SDCCAG8: variants seen among roughly 807,000 people sequenced by gnomAD.
SDCCAG8 encodes serologically defined colon cancer antigen 8.
SDCCAG8 carries 74 observed loss-of-function variants against 101.8 expected under a neutral mutation model. The ratio of observed to expected loss-of-function variants is 0.73; its 90% CI spans 0.60 to 0.88. SDCCAG8 has a LOEUF of 0.88. Ranked by LOEUF, SDCCAG8 falls within the 40% of genes least tolerant of loss-of-function variation. The pLI, the probability that SDCCAG8 is intolerant of heterozygous loss-of-function variation, is 0.00. For synonymous variants in SDCCAG8, 281 were observed against 292.9 expected (o/e 0.96, Z 0.41); for missense variants, 787 against 822.6 (o/e 0.96, Z 0.53).
chr1:243,448,075 A>G (rs1311505525), intron 16 of SDCCAG8, among the ~76,000 whole-genome samples: 2 of 152,088 alleles, frequency 1.3e-5, no homozygotes, highest in Admixed American at 6.5e-5. Flanking sequence ...TTCCTAACTC[A>G]TGGGTTGGGA....
chr1:243,357,776 G>A (rs929556882), intron 12 of SDCCAG8, among the ~76,000 whole-genome samples: 1 of 152,194 alleles, frequency 6.6e-6, no homozygotes, highest in Non-Finnish European at 1.5e-5. Context: ...GCGGGAGAGG[G>A]TCCAGAAAGA....
intron 8 of SDCCAG8, among the ~76,000 whole-genome samples, chr1:243,316,048 G>A (rs1276763035): frequency 1.3e-5 from 2 of 152,134 alleles, no homozygotes; most frequent in Admixed American, 1.3e-4. Flanking sequence ...GAGCATTTTG[G>A]CATTTGGTTC....
Position 243,428,211 on chromosome 1 carries a change from C to T in SDCCAG8, c.1985+1653C>T, listed in dbSNP as rs115594980. ...CTCCATTTCCAGATGGAGAACTAAGCCTAAGAAAGACAAACGTGCCGAATG... is the reference window on the plus strand; with the variant it reads ...CTCCATTTCCAGATGGAGAACTAAGTCTAAGAAAGACAAACGTGCCGAATG... On this transcript the variant is annotated intron_variant, in intron 16 of 17. Coordinates refer to ENST00000366541, the MANE Select transcript of SDCCAG8 (RefSeq NM_006642.5). Among the ~76,000 whole-genome samples the T allele has an allele frequency of 7.0e-3, 1,063 of 152,238 alleles. 12 individuals carry two copies. The highest frequency in any genetic ancestry group is 0.024 in the African/African-American group (976 of 41,532).
At chr1:243,373,527 G>A (rs906507569) in intron 12 of SDCCAG8, among the ~76,000 whole-genome samples, 9 of 152,064 alleles carry the variant, frequency 5.9e-5, no homozygotes, top group African/African-American at 1.9e-4. Context: ...CGTGGGTTGT[G>A]CATTGTCTGG....
In SDCCAG8 at chr1:243,499,932, G is replaced by A. The variant is rs1291591480; in HGVS notation, c.*147G>A. 9 of 738,282 alleles carry A rather than the reference G, an allele frequency of 1.2e-5. No homozygotes were observed. The highest frequency in any genetic ancestry group is 3.0e-5 in the South Asian group (2 of 67,656). 45.7% of individuals were successfully genotyped at this position (738,282 alleles called of 1,614,324 possible). ...GGGGCTGGTCCTCATCAACGCGGGC[G>A]CTGTCCCCGCACGCAGTCGGGCTGG... On this transcript the variant is annotated 3_prime_UTR_variant, in exon 18 of 18. Coordinates refer to ENST00000366541, the MANE Select transcript of SDCCAG8 (RefSeq NM_006642.5).
chr1:243,277,898 T>C (rs1378530280), intron 4 of SDCCAG8, among the ~76,000 whole-genome samples: 1 of 152,242 alleles, frequency 6.6e-6, no homozygotes, highest in Non-Finnish European at 1.5e-5. Flanking sequence ...TCTTGATTAC[T>C]GTAGCTTTAC....
At chr1:243,289,218 T>A (rs2069962893) in intron 5 of SDCCAG8, among the ~76,000 whole-genome samples, 1 of 152,150 alleles carries the variant, frequency 6.6e-6, no homozygotes, top group African/African-American at 2.4e-5. Context: ...AAGAACCCGC[T>A]GTCTGAGGTA....
At chr1:243,424,066 T>A (rs1047185929) in intron 15 of SDCCAG8, among the ~76,000 whole-genome samples, 53 of 152,216 alleles carry the variant, frequency 3.5e-4, no homozygotes, top group African/African-American at 1.1e-3. Context: ...TCATTTGTGT[T>A]TCTTCTGTAG....
At chr1:243,369,258 T>A (rs1212822469) in intron 12 of SDCCAG8, among the ~76,000 whole-genome samples, 2 of 152,256 alleles carry the variant, frequency 1.3e-5, no homozygotes, top group South Asian at 2.1e-4. Context: ...GACTTGTGTT[T>A]GGCAATGTTT....
chr1:243,484,793 C>G (rs945824099), intron 16 of SDCCAG8, among the ~76,000 whole-genome samples: 2 of 152,206 alleles, frequency 1.3e-5, no homozygotes, highest in African/African-American at 2.4e-5. Flanking sequence ...CGCCTGTAAT[C>G]CCAGCACTTT....
intron 6 of SDCCAG8, among the ~76,000 whole-genome samples, chr1:243,302,145 G>A (rs1412476910): frequency 6.6e-6 from 1 of 152,178 alleles, no homozygotes; most frequent in African/African-American, 2.4e-5. Flanking sequence ...CTACTCGGGA[G>A]GCTGAGGCAT....
intron 9 of SDCCAG8, among the ~76,000 whole-genome samples, chr1:243,324,060 A>T (rs1209816100): frequency 2.0e-5 from 3 of 152,126 alleles, no homozygotes; most frequent in Non-Finnish European, 4.4e-5. Context: ...AAATATTACC[A>T]GTGAATACAC....
At chr1:243,368,334 A>AT (rs1175224898) in intron 12 of SDCCAG8, among the ~76,000 whole-genome samples, 2 of 152,124 alleles carry the variant, frequency 1.3e-5, no homozygotes, top group African/African-American at 4.8e-5. Flanking sequence ...GATTCCTTTT[A>AT]TATGTATACC....
intron 12 of SDCCAG8, among the ~76,000 whole-genome samples, chr1:243,357,481 A>G (rs923129603): frequency 6.6e-5 from 10 of 152,212 alleles, no homozygotes; most frequent in Non-Finnish European, 1.2e-4. Flanking sequence ...GATAATAAAG[A>G]GCAATGGCTT....
chr1:243,420,373 T>G (rs2080911881), intron 15 of SDCCAG8, among the ~76,000 whole-genome samples: 1 of 152,256 alleles, frequency 6.6e-6, no homozygotes, highest in Non-Finnish European at 1.5e-5. Flanking sequence ...GTAGCTGCTA[T>G]TATTTTCACT....
At chr1:243,450,822 C>T (rs2148126066) in intron 16 of SDCCAG8, among the ~76,000 whole-genome samples, 1 of 152,210 alleles carries the variant, frequency 6.6e-6, no homozygotes, top group South Asian at 2.1e-4. Context: ...CCACGCCCGG[C>T]TAATATTTGT....
intron 6 of SDCCAG8, among the ~76,000 whole-genome samples, chr1:243,298,911 A>G (rs2071228354): frequency 6.6e-6 from 1 of 152,224 alleles, no homozygotes; most frequent in Non-Finnish European, 1.5e-5. Flanking sequence ...TTTGGCCTTT[A>G]GCATTTCCAA....
At chr1:243,460,245 A>G (rs554097552) in intron 16 of SDCCAG8, among the ~76,000 whole-genome samples, 2 of 152,330 alleles carry the variant, frequency 1.3e-5, no homozygotes, top group African/African-American at 4.8e-5. Flanking sequence ...AGAAGCCTCT[A>G]TTGAGATAAA....
chr1:243,344,339 AG>A lies in SDCCAG8; in HGVS notation c.1473+10del. ...CTTGAAATTAAAGATCAGGTAAGAG[AG>A]GACACAGCATAATTGCAGCAATTAT... On this transcript the variant is annotated intron_variant, in intron 12 of 17. Transcript: ENST00000366541. The A allele has an allele frequency of 6.5e-7, 1 of 1,549,764 alleles. No individual in the cohort carries two copies. Among genetic ancestry groups the A allele is most frequent in the Non-Finnish European group, 8.9e-7 (1 of 1,121,428 alleles).
Sources: allele counts gnomAD v4.1 joint callset (sites outside exome capture counted in the v4.1 genomes callset), GRCh38; gene constraint gnomAD v4.1.1; transcripts MANE v1.5; gene names NCBI Gene and HGNC (gene_info 2026-07-23, HGNC 2026-07-21).